Variants in PLEKHA5 observed in about 807,000 individuals in gnomAD.
PLEKHA5 encodes the protein pleckstrin homology domain-containing family A member 5.
In PLEKHA5, 55 loss-of-function variants were observed where a neutral mutation model predicts 181.9. That is an observed-to-expected ratio of 0.30 (90% CI 0.24 to 0.38). PLEKHA5 has a LOEUF of 0.38. PLEKHA5 is among the 10% of genes least tolerant of loss of function. The pLI is 1.00. For missense variants in PLEKHA5, 1,432 were observed against 1,549.5 expected (o/e 0.92, Z 1.27); for synonymous variants, 535 against 529.4 (o/e 1.01, Z -0.15).
At chr12:19,293,733 A>G (rs2079055039) in intron 15 of PLEKHA5, among the ~76,000 whole-genome samples, 1 of 152,204 alleles carries the variant, frequency 6.6e-6, no homozygotes, top group Non-Finnish European at 1.5e-5. Context: ...AGAAAATTTT[A>G]GAAAAGGACA....
At chr12:19,349,738 C>CAA (rs1288408165) in intron 25 of PLEKHA5, among the ~76,000 whole-genome samples, 1 of 140,274 alleles carries the variant, frequency 7.1e-6, no homozygotes, top group African/African-American at 2.7e-5. Context: ...CAACCAGAAA[C>CAA]AGAAAAAAAA....
Position 19,261,060 on chromosome 12 carries a change from T to C in PLEKHA5, c.610+39T>C, listed in dbSNP as rs1045154880. 7 of 1,094,142 alleles carry C rather than the reference T, an allele frequency of 6.4e-6. No homozygotes were observed. In the Admixed American group the frequency reaches 9.1e-5, roughly 14 times the overall value. The allele number at this position is 1,094,142 out of a possible 1,614,324, so 67.8% of individuals were successfully genotyped here. Reference sequence around the variant, plus strand: ...ACTGTCTTAGTGTATTATTTTGTAATTGATATGTAATATAAGTTAAGTATC... The same window carrying C: ...ACTGTCTTAGTGTATTATTTTGTAACTGATATGTAATATAAGTTAAGTATC... On this transcript the variant is annotated intron_variant, in intron 7 of 31. Coordinates refer to ENST00000429027, the MANE Select transcript of PLEKHA5 (RefSeq NM_001256470.2).
At chr12:19,242,028 A>G (rs917066774) in intron 3 of PLEKHA5, among the ~76,000 whole-genome samples, 1 of 152,132 alleles carries the variant, frequency 6.6e-6, no homozygotes, top group African/African-American at 2.4e-5. Context: ...CAAATTACTT[A>G]CAGGTGAAAG....
At chr12:19,362,616 C>T (rs1016184450) in intron 29 of PLEKHA5, among the ~76,000 whole-genome samples, 4 of 151,968 alleles carry the variant, frequency 2.6e-5, no homozygotes, top group Non-Finnish European at 4.4e-5. Context: ...ATAAATGATA[C>T]CTTACCCCAG....
intron 28 of PLEKHA5, among the ~76,000 whole-genome samples, chr12:19,360,796 C>G (rs2095204258): frequency 6.6e-6 from 1 of 151,972 alleles, no homozygotes. Flanking sequence ...GACCCTGTCG[C>G]CCAGGCTGGA....
At chr12:19,185,662 G>C (rs796707213) in intron 3 of PLEKHA5, among the ~76,000 whole-genome samples, 44 of 152,210 alleles carry the variant, frequency 2.9e-4, no homozygotes, top group African/African-American at 1.0e-3. Context: ...AAGCTAATTT[G>C]AATTGGATTT....
rs184996487 is a variant in PLEKHA5 at position 19,141,632 on chromosome 12, C to T, written c.227+9182C>T. Among the ~76,000 whole-genome samples, 218 of 152,206 alleles carry T rather than the reference C, an allele frequency of 1.4e-3. 1 individual carries two copies. Among genetic ancestry groups the T allele is most frequent in the Middle Eastern group, 3.4e-3 (1 of 294 alleles). On this transcript the variant is annotated intron_variant, in intron 3 of 31. Coordinates refer to ENST00000429027, the MANE Select transcript of PLEKHA5 (RefSeq NM_001256470.2). ...TGCAGAAGTAATAGTTGAAGTTATT[C>T]GGGATGGTTCAGGCCAGGACCAGGG... is the stretch of plus-strand genomic sequence containing the variant.
At chr12:19,137,024 T>G (rs962232309) in intron 3 of PLEKHA5, among the ~76,000 whole-genome samples, 2 of 152,136 alleles carry the variant, frequency 1.3e-5, no homozygotes, top group African/African-American at 4.8e-5. Flanking sequence ...TATTTGATAT[T>G]TAAAGTTGTT....
Position 19,376,359 on chromosome 12 carries a change from T to C in PLEKHA5, c.*840T>C, listed in dbSNP as rs984594105. ...TTTAAATGCAAATGTTCATATCTCATTTCTTTTTTTATCATGTTAAATAAA... is the reference window on the plus strand; with the variant it reads ...TTTAAATGCAAATGTTCATATCTCACTTCTTTTTTTATCATGTTAAATAAA... On this transcript the variant is annotated 3_prime_UTR_variant, in exon 32 of 32. Transcript: ENST00000429027. 1.3e-5 allele frequency: 2 copies of C among 151,904 alleles called. No individual in the cohort carries two copies. The highest frequency in any genetic ancestry group is 4.8e-5 in the African/African-American group (2 of 41,386). 9.4% of individuals were successfully genotyped at this position (151,904 alleles called of 1,614,324 possible).
At chr12:19,184,212 A>G (rs1185155154) in intron 3 of PLEKHA5, among the ~76,000 whole-genome samples, 1 of 152,192 alleles carries the variant, frequency 6.6e-6, no homozygotes, top group Non-Finnish European at 1.5e-5. Context: ...TTAAATTTTC[A>G]TTCTATTCCC....
In PLEKHA5 at chr12:19,319,927, C is replaced by CTATG. The variant is rs540336903; in HGVS notation, c.2119-94_2119-93insTATG. The stretch of plus-strand genomic sequence containing the variant: ...TAAACTTTTTATGAAATTTGACTAT[C>CTATG]CATAGTTTATAACATAGGCTTTCAG... On this transcript the variant is annotated intron_variant, in intron 16 of 31. Coordinates refer to ENST00000429027, the MANE Select transcript of PLEKHA5 (RefSeq NM_001256470.2). The CTATG allele has an allele frequency of 4.0e-3, 2,885 of 730,154 alleles. 7 individuals are homozygous for CTATG. Among genetic ancestry groups the CTATG allele is most frequent in the Non-Finnish European group, 5.3e-3 (2,459 of 460,032 alleles). 45.2% of individuals were successfully genotyped at this position (730,154 alleles called of 1,614,324 possible).
At chr12:19,319,021 G>A (rs1291881685) in intron 16 of PLEKHA5, among the ~76,000 whole-genome samples, 1 of 152,016 alleles carries the variant, frequency 6.6e-6, no homozygotes, top group Admixed American at 6.6e-5. Flanking sequence ...TTTTGGCATT[G>A]TCTTACTTTT....
chr12:19,361,052 G>T (rs1217989959), intron 28 of PLEKHA5, among the ~76,000 whole-genome samples: 1 of 150,350 alleles, frequency 6.7e-6, no homozygotes, highest in East Asian at 2.0e-4. Context: ...ACTGTGCCCG[G>T]CCTGCATCAT....
At chr12:19,226,032 G>A (rs375025970) in intron 3 of PLEKHA5, among the ~76,000 whole-genome samples, 17 of 152,128 alleles carry the variant, frequency 1.1e-4, no homozygotes, top group Admixed American at 3.3e-4. Flanking sequence ...AATTCATATC[G>A]TGTAAAAGTA....
At chr12:19,181,981 C>CT (rs2048713538) in intron 3 of PLEKHA5, among the ~76,000 whole-genome samples, 1 of 152,162 alleles carries the variant, frequency 6.6e-6, no homozygotes, top group Non-Finnish European at 1.5e-5. Context: ...CTACATAGTC[C>CT]TTGCTCTCAA....
At chr12:19,248,133 G>A (rs1335109401) in intron 3 of PLEKHA5, among the ~76,000 whole-genome samples, 1 of 152,098 alleles carries the variant, frequency 6.6e-6, no homozygotes, top group Non-Finnish European at 1.5e-5. Context: ...TGAGGTAAGA[G>A]GACTGCATGA....
chr12:19,208,357 A>C (rs1243659299), intron 3 of PLEKHA5, among the ~76,000 whole-genome samples: 1 of 151,858 alleles, frequency 6.6e-6, no homozygotes, highest in African/African-American at 2.4e-5. Context: ...CAGTGAACCG[A>C]TATCATGCCA....
intron 30 of PLEKHA5, among the ~76,000 whole-genome samples, chr12:19,368,958 A>G (rs2095506222): frequency 6.6e-6 from 1 of 152,274 alleles, no homozygotes; most frequent in Middle Eastern, 3.4e-3. Context: ...ATAGAACTAA[A>G]AAAAGTTCCA....
At chr12:19,170,486 G>A (rs2045640359) in intron 3 of PLEKHA5, among the ~76,000 whole-genome samples, 1 of 151,412 alleles carries the variant, frequency 6.6e-6, no homozygotes, top group Admixed American at 6.6e-5. Flanking sequence ...GAGTGCAGCG[G>A]CACAATTTCC....
Sources: allele counts gnomAD v4.1 joint callset (sites outside exome capture counted in the v4.1 genomes callset), GRCh38; gene constraint gnomAD v4.1.1; transcripts MANE v1.5; gene names NCBI Gene and HGNC (gene_info 2026-07-23, HGNC 2026-07-21).